NEBL: variants seen among roughly 807,000 people sequenced by gnomAD.
NEBL encodes the protein nebulette, also known as LIM and SH3 protein 2.
Under a neutral mutation model 140.2 loss-of-function variants are expected in NEBL, and 122 were observed. The observed-to-expected ratio is 0.87, with a 90% CI of 0.75 to 1.01. The LOEUF is 1.01. Among genes scored for constraint, NEBL ranks in the 50% least tolerant of loss-of-function variants. The pLI is 0.00. For synonymous variants in NEBL, 436 were observed against 398.9 expected (o/e 1.09, Z -1.11); for missense variants, 1,365 against 1,231.3 (o/e 1.11, Z -1.62).
intron 2 of NEBL, among the ~76,000 whole-genome samples, chr10:21,050,610 C>A (rs1177921251): frequency 6.6e-6 from 1 of 152,154 alleles, no homozygotes; most frequent in Admixed American, 6.6e-5. Flanking sequence ...GGAACGGGTG[C>A]AGCGTGGGCG....
intron 3 of NEBL, among the ~76,000 whole-genome samples, chr10:20,977,662 C>A (rs1037677865): frequency 1.3e-5 from 2 of 152,036 alleles, no homozygotes; most frequent in Non-Finnish European, 2.9e-5. Context: ...ATCAAAAGAC[C>A]CCGCACTGGG....
intron 2 of NEBL, among the ~76,000 whole-genome samples, chr10:21,144,849 C>T (rs1839817528): frequency 6.6e-6 from 1 of 151,888 alleles, no homozygotes; most frequent in Non-Finnish European, 1.5e-5. Context: ...CTCATCTCCT[C>T]TGTAAAATAG....
intron 1 of NEBL, among the ~76,000 whole-genome samples, chr10:21,286,883 T>G (rs10828230): frequency 0.73 from 110,335 of 151,808 alleles, 40,448 homozygotes; most frequent in East Asian, 0.97. Context: ...ACTGTAGAAA[T>G]CATACAGGAA....
intron 2 of NEBL, among the ~76,000 whole-genome samples, chr10:21,147,769 T>G (rs955528110): frequency 7.2e-5 from 11 of 152,230 alleles, no homozygotes; most frequent in Non-Finnish European, 1.6e-4. Context: ...CACAGTCTGC[T>G]TCACCCATTT....
intron 3 of NEBL, among the ~76,000 whole-genome samples, chr10:20,999,017 G>A (rs1292828103): frequency 6.6e-6 from 1 of 152,192 alleles, no homozygotes; most frequent in Non-Finnish European, 1.5e-5. Context: ...GTCAGAGCCA[G>A]TAAAGAAGTC....
At chr10:21,166,055 C>T (rs1840747221) in intron 2 of NEBL, among the ~76,000 whole-genome samples, 1 of 140,090 alleles carries the variant, frequency 7.1e-6, no homozygotes, top group South Asian at 2.3e-4. Context: ...CCCGTCTCTA[C>T]TAAAAATACA....
chr10:21,279,075 G>C (rs945755039), intron 1 of NEBL, among the ~76,000 whole-genome samples: 1 of 152,010 alleles, frequency 6.6e-6, no homozygotes, highest in Admixed American at 6.6e-5. Context: ...GAATTTCTCT[G>C]TGTGGGCTGG....
chr10:21,044,397 TAAAAAAAAAAAAA>T (rs57176129), intron 2 of NEBL, among the ~76,000 whole-genome samples: 18 of 34,866 alleles, frequency 5.2e-4, no homozygotes, highest in African/African-American at 6.8e-4. Context: ...AGAGTAAGAA[TAAAAAAAAAAAAA>T]AAAAAAAAAA....
At position 21,039,783 on chromosome 10, in the gene NEBL, T is replaced by C. The variant is rs746980363; in HGVS notation, c.165-19582A>G. On this transcript the variant is annotated intron_variant, in intron 2 of 6. Coordinates refer to the NEBL transcript ENST00000417816. ...CCCTTTAACTTTTTCTATTTTATTC[T>C]AATATATTCCTTTTTTCTTAATGTT... Among the ~76,000 whole-genome samples, 98 of 152,228 alleles carry C rather than the reference T, an allele frequency of 6.4e-4. 1 individual carries two copies. The highest frequency in any genetic ancestry group is 7.3e-5 in the Non-Finnish European group (5 of 68,044).
rs1842122652 is a variant in NEBL at position 21,224,841 on chromosome 10, G to C, written n.348+23080C>G. Reference sequence around the variant, plus strand: ...GCATACAGAAATGCTACTGATTTTTGTATGTTGGTTTTGTATCCTGCAACT... The same window carrying C: ...GCATACAGAAATGCTACTGATTTTTCTATGTTGGTTTTGTATCCTGCAACT... On this transcript the variant is annotated intron_variant and non_coding_transcript_variant, in intron 3 of 8. Coordinates refer to the NEBL transcript ENST00000675702. Among the ~76,000 whole-genome samples the C allele has an allele frequency of 2.0e-5, 3 of 152,208 alleles. No homozygotes were observed. The South Asian group carries it at 6.2e-4, about 32-fold the overall frequency.
chr10:21,202,826 C>G (rs1019119877), intron 3 of NEBL, among the ~76,000 whole-genome samples: 2 of 152,122 alleles, frequency 1.3e-5, no homozygotes, highest in African/African-American at 4.8e-5. Context: ...ACTAATTTTG[C>G]TTTGAACTTT....
intron 5 of NEBL, among the ~76,000 whole-genome samples, chr10:20,873,361 A>G (rs985203568): frequency 6.6e-6 from 1 of 152,056 alleles, no homozygotes; most frequent in African/African-American, 2.4e-5. Flanking sequence ...GAAATCATCA[A>G]CTCAGCAGAG....
chr10:20,802,040 T>C (rs925756585), intron 26 of NEBL, among the ~76,000 whole-genome samples: 3 of 152,134 alleles, frequency 2.0e-5, no homozygotes, highest in Admixed American at 6.5e-5. Context: ...CCCATATCCT[T>C]TTACGTTTTC....
At chr10:21,025,587 A>C (rs1245759928) in intron 2 of NEBL, among the ~76,000 whole-genome samples, 1 of 152,204 alleles carries the variant, frequency 6.6e-6, no homozygotes, top group Non-Finnish European at 1.5e-5. Flanking sequence ...GACATAAGCA[A>C]ATGGCAACCT....
intron 2 of NEBL, among the ~76,000 whole-genome samples, chr10:21,154,853 G>A (rs1191416541): frequency 6.6e-6 from 1 of 152,192 alleles, no homozygotes; most frequent in Non-Finnish European, 1.5e-5. Context: ...TATAGTAGGT[G>A]TATATACTTG....
chr10:20,979,172 CTT>C (rs1251381434), intron 3 of NEBL, among the ~76,000 whole-genome samples: 1 of 152,142 alleles, frequency 6.6e-6, no homozygotes, highest in Non-Finnish European at 1.5e-5. Context: ...TATCCCAACA[CTT>C]TGTGAGACAG....
intron 4 of NEBL, among the ~76,000 whole-genome samples, chr10:20,905,098 G>T (rs1056502402): frequency 6.6e-6 from 1 of 152,152 alleles, no homozygotes; most frequent in South Asian, 2.1e-4. Flanking sequence ...GGAAACAAAG[G>T]AAAGGGTTTT....
At position 20,812,949 on chromosome 10, in the gene NEBL, G is replaced by A. The variant is rs750957531; in HGVS notation, c.2347-9C>T. 222 of 1,612,262 alleles carry A rather than the reference G, an allele frequency of 1.4e-4. 1 individual carries two copies. Among genetic ancestry groups the A allele is most frequent in the Non-Finnish European group, 1.8e-4 (214 of 1,178,696 alleles). ...TCTTCATGGTATTTTACCTGAAAAAGGAAAAATCATCATACTGAATTTTGC... is the reference window on the plus strand; with the variant it reads ...TCTTCATGGTATTTTACCTGAAAAAAGAAAAATCATCATACTGAATTTTGC... On this transcript the variant is annotated splice_polypyrimidine_tract_variant and intron_variant, in intron 23 of 27. Transcript: ENST00000377122.
chr10:20,937,337 A>G (rs1421949431), intron 4 of NEBL, among the ~76,000 whole-genome samples: 1 of 152,132 alleles, frequency 6.6e-6, no homozygotes, highest in Non-Finnish European at 1.5e-5. Context: ...TCATCCTCCC[A>G]ACTTAAAATA....
Sources: gnomAD v4.1 joint callset for allele counts (sites outside exome capture counted in the v4.1 genomes callset) on GRCh38, gnomAD v4.1.1 for gene constraint, MANE v1.5 for transcripts, NCBI Gene and HGNC (gene_info 2026-07-23, HGNC 2026-07-21) for gene names.